ATP10A: variants seen among roughly 807,000 people sequenced by gnomAD.
ATP10A encodes phospholipid-transporting ATPase VA.
A neutral mutation model predicts 147.8 loss-of-function variants in ATP10A; 111 were observed. The ratio of observed to expected loss-of-function variants is 0.75; its 90% CI spans 0.64 to 0.88. The LOEUF is 0.88. Among genes scored for constraint, ATP10A ranks in the 40% least tolerant of loss-of-function variants. The probability of loss-of-function intolerance (pLI) is 0.00; values close to 1 mark genes in which losing one functional copy is unlikely to be tolerated. For missense variants in ATP10A, 1,927 were observed against 1,959.0 expected, an observed-to-expected ratio of 0.98 and a Z score of 0.31; for synonymous variants, 875 against 841.6, an observed-to-expected ratio of 1.04 and a Z score of -0.69.
At chr15:25,845,592 A>G (rs1312877368) in intron 1 of ATP10A, among the ~76,000 whole-genome samples, 2 of 151,870 alleles carry the variant, frequency 1.3e-5, no homozygotes, top group South Asian at 2.1e-4. Flanking sequence ...GCTGACAGCA[A>G]CTCTCCTGGG....
At chr15:25,855,433 C>T (rs1490422942) in intron 1 of ATP10A, among the ~76,000 whole-genome samples, 1 of 152,078 alleles carries the variant, frequency 6.6e-6, no homozygotes, top group Non-Finnish European at 1.5e-5. Context: ...ATCCAAAATT[C>T]TTTCTTGATG....
At chr15:25,714,810 T>C in intron 9 of ATP10A, among the ~76,000 whole-genome samples, 1 of 152,172 alleles carries the variant, frequency 6.6e-6, no homozygotes, top group East Asian at 1.9e-4. Flanking sequence ...TTATACTTCC[T>C]TTGAATTATG....
downstream of ATP10A, among the ~76,000 whole-genome samples, chr15:25,675,157 C>T (rs949625950): frequency 6.6e-6 from 1 of 152,166 alleles, no homozygotes; most frequent in African/African-American, 2.4e-5. Context: ...GGGCCTGAGC[C>T]TGGGCCTGGC....
At chr15:25,732,995 T>A (rs1371721113) in intron 3 of ATP10A, among the ~76,000 whole-genome samples, 1 of 152,158 alleles carries the variant, frequency 6.6e-6, no homozygotes, top group Non-Finnish European at 1.5e-5. Flanking sequence ...ATAACTTTCC[T>A]AAGGCCACCT....
chr15:25,713,349 G>A (rs1472667191), intron 10 of ATP10A, among the ~76,000 whole-genome samples: 1 of 152,192 alleles, frequency 6.6e-6, no homozygotes, highest in East Asian at 1.9e-4. Flanking sequence ...GGTCCACAGG[G>A]CAGGAAGAAC....
chr15:25,780,788 T>C (rs1162789414), intron 2 of ATP10A, among the ~76,000 whole-genome samples: 1 of 152,188 alleles, frequency 6.6e-6, no homozygotes, highest in Non-Finnish European at 1.5e-5. Context: ...AACTTAGACA[T>C]GCACAAAAGA....
At chr15:25,696,689 C>A (rs1206972370) in intron 13 of ATP10A, among the ~76,000 whole-genome samples, 1 of 152,244 alleles carries the variant, frequency 6.6e-6, no homozygotes, top group Non-Finnish European at 1.5e-5. Context: ...GGAACCTGGA[C>A]GTGGGCTCCA....
chr15:25,777,692 C>T (rs1889681579), intron 2 of ATP10A, among the ~76,000 whole-genome samples: 3 of 152,020 alleles, frequency 2.0e-5, no homozygotes, highest in Admixed American at 2.0e-4. Context: ...CCTCAAACTT[C>T]TGGTTCAAAC....
At chr15:25,807,556 A>G (rs958740441) in intron 1 of ATP10A, among the ~76,000 whole-genome samples, 2 of 152,192 alleles carry the variant, frequency 1.3e-5, no homozygotes, top group Non-Finnish European at 1.5e-5. Context: ...TAATCCCAGC[A>G]CTTTGGGAGG....
chr15:25,703,837 A>T (rs539463290), intron 12 of ATP10A, among the ~76,000 whole-genome samples: 1 of 152,202 alleles, frequency 6.6e-6, no homozygotes, highest in Admixed American at 6.5e-5. Context: ...CCTAGCTCCC[A>T]TGTCGGGGAT....
intron 2 of ATP10A, among the ~76,000 whole-genome samples, chr15:25,747,696 G>C (rs1887920931): frequency 6.6e-6 from 1 of 152,048 alleles, no homozygotes; most frequent in Non-Finnish European, 1.5e-5. Flanking sequence ...AAAAAACCCA[G>C]CATATTCTCA....
chr15:25,836,666 AAC>A (rs1032864732), intron 1 of ATP10A, among the ~76,000 whole-genome samples: 1 of 152,172 alleles, frequency 6.6e-6, no homozygotes, highest in South Asian at 2.1e-4. Flanking sequence ...ACCTCTAGCA[AAC>A]ACACACACAG....
chr15:25,729,952 G>C (rs4906758), intron 3 of ATP10A, among the ~76,000 whole-genome samples: 145,493 of 152,112 alleles, frequency 0.96, 69,894 homozygotes, highest in East Asian at 1. Context: ...CCCTCCAGTG[G>C]GGGATGACAG....
intron 2 of ATP10A, among the ~76,000 whole-genome samples, chr15:25,775,260 C>G (rs1202874659): frequency 6.6e-6 from 1 of 152,178 alleles, no homozygotes; most frequent in African/African-American, 2.4e-5. Flanking sequence ...GTGTAGGTAG[C>G]AGTTTTTTAA....
intron 10 of ATP10A, among the ~76,000 whole-genome samples, chr15:25,712,032 CA>C (rs1901454081): frequency 6.6e-6 from 1 of 152,176 alleles, no homozygotes; most frequent in South Asian, 2.1e-4. Flanking sequence ...AGTGAACAGG[CA>C]GGGGGGCCCT....
At position 25,680,190 on chromosome 15, in the gene ATP10A, T is replaced by G; in HGVS notation, c.3797A>C (p.Gln1266Pro). The stretch of plus-strand genomic sequence containing the variant: ...AAACACTGGGTCACCCAGTAAGGCT[T>G]GCATAGTCCAGTAAGGGTTGGACGG... ...YPPSNPYWTM[Q>P]ALLGDPVFYL... is the part of the protein sequence containing the mutation. The change falls in exon 20 of 21, where the codon CAA becomes CCA. Residue 1266 changes from glutamine to proline, a missense_variant. Coordinates refer to ENST00000555815, the MANE Select transcript of ATP10A (RefSeq NM_024490.4). The G allele has an allele frequency of 6.2e-7, 1 of 1,614,058 alleles. No individual in the cohort carries two copies. The highest frequency in any genetic ancestry group is 1.3e-5 in the African/African-American group (1 of 75,002).
In ATP10A at chr15:25,781,137, G is replaced by A. The variant is rs769207613; in HGVS notation, c.536C>T (p.Ala179Val). The A allele has an allele frequency of 4.3e-6, 7 of 1,614,210 alleles. No individual in the cohort carries two copies. The East Asian group carries it at 8.9e-5, about 21-fold the overall frequency. The stretch of plus-strand genomic sequence containing the variant: ...ACTGGAGGAGAGCAGCAGAATGTCC[G>A]CAGGGAAGATTTCGTTGCAGCGAAG... ...VRLRCNEIFP[A>V]DILLLSSSDP... Residue 179 changes from alanine (A) to valine (V), a missense_variant, in exon 2 of 21, where the codon GCG (alanine) becomes GTG (valine). Physicochemically the swap from Ala to Val is moderately conservative, Grantham distance 64. Transcript: ENST00000555815.
At chr15:25,859,810 C>T (rs941943447) in intron 1 of ATP10A, among the ~76,000 whole-genome samples, 3 of 152,064 alleles carry the variant, frequency 2.0e-5, no homozygotes, top group Non-Finnish European at 4.4e-5. Context: ...ATAACATAAA[C>T]GATGACGCAC....
chr15:25,712,181 G>A (rs753588026), intron 10 of ATP10A, among the ~76,000 whole-genome samples: 1 of 152,216 alleles, frequency 6.6e-6, no homozygotes, highest in African/African-American at 2.4e-5. Context: ...TTTTTGGGGG[G>A]GACGGGGTGG....
Sources: gnomAD v4.1 joint callset for allele counts (sites outside exome capture counted in the v4.1 genomes callset) on GRCh38, gnomAD v4.1.1 for gene constraint, MANE v1.5 for transcripts, NCBI Gene and HGNC (gene_info 2026-07-23, HGNC 2026-07-21) for gene names.